Variants in GON4L observed in about 807,000 individuals in gnomAD.
The protein encoded by GON4L is GON-4-like protein.
Under a neutral mutation model 211.8 loss-of-function variants are expected in GON4L, and 87 were observed. That is an observed-to-expected ratio of 0.41 (90% CI 0.35 to 0.49). The LOEUF (loss-of-function observed/expected upper bound fraction) is 0.49, where lower values mean the gene tolerates loss of function less well. GON4L is among the 20% of genes least tolerant of loss of function. The pLI, the probability that GON4L is intolerant of heterozygous loss-of-function variation, is 0.15. For synonymous variants in GON4L, 875 were observed against 962.6 expected, an observed-to-expected ratio of 0.91 and a Z score of 1.68; for missense variants, 2,155 against 2,659.5, an observed-to-expected ratio of 0.81 and a Z score of 4.17.
In GON4L at chr1:155,813,760, C is replaced by T. The variant is rs1667992670; in HGVS notation, c.1326G>A (p.Glu442=). 1 of 1,613,922 alleles carries T rather than the reference C, an allele frequency of 6.2e-7. No homozygotes were observed. The highest frequency in any genetic ancestry group is 8.5e-7 in the Non-Finnish European group (1 of 1,179,808). The change falls in exon 10 of 32, where the codon GAG becomes GAA. Residue 442 remains glutamate, a synonymous_variant. Coordinates refer to ENST00000368331, the MANE Select transcript of GON4L (RefSeq NM_001282860.2). ...GGGGCGGGGGCCCCATGGGCACTAC[C>T]TCAGCACTGATGTGCCTGATGGCTG... ...TTPAIRHISA[E]VVPMGPPPPP...
chr1:155,799,233 A>T lies in GON4L; in HGVS notation c.1646-4082T>A, dbSNP rs191456518. 2.9e-3 allele frequency among the ~76,000 whole-genome samples: 438 copies of T among 152,176 alleles called. 5 individuals carry two copies. In the Middle Eastern group the frequency reaches 0.044, roughly 15 times the overall value. On this transcript the variant is annotated intron_variant, in intron 11 of 31. Coordinates refer to ENST00000368331, the MANE Select transcript of GON4L (RefSeq NM_001282860.2). ...GCGGATCACCTGAGGTTAGGAGTTCAAGACCAGCCTGACCAATATGGTGAA... is the reference window on the plus strand; with the variant it reads ...GCGGATCACCTGAGGTTAGGAGTTCTAGACCAGCCTGACCAATATGGTGAA...
intron 18 of GON4L, among the ~76,000 whole-genome samples, chr1:155,771,915 G>A (rs1164174487): frequency 6.6e-6 from 1 of 152,178 alleles, no homozygotes. Flanking sequence ...TGTAATCCCA[G>A]CATTTTGGGA....
chr1:155,763,597 C>A, intron 21 of GON4L, 33 bp from the exon 22 acceptor site: 1 of 1,495,204 alleles, frequency 6.7e-7, no homozygotes, highest in Non-Finnish European at 8.9e-7. Flanking sequence ...CTTATAATGG[C>A]TCTTAGTGGC....
intron 2 of GON4L, among the ~76,000 whole-genome samples, chr1:155,847,143 G>GT (rs770177908): frequency 1.3e-5 from 2 of 152,300 alleles, no homozygotes; most frequent in African/African-American, 2.4e-5. Flanking sequence ...GTTGAACACC[G>GT]TGAGTTCGAA....
chr1:155,778,339 C>T (rs111767110), intron 14 of GON4L, among the ~76,000 whole-genome samples: 2 of 152,158 alleles, frequency 1.3e-5, no homozygotes, highest in Admixed American at 1.3e-4. Flanking sequence ...GCAACCTCCG[C>T]CTCCAGGGTT....
intron 2 of GON4L, among the ~76,000 whole-genome samples, chr1:155,852,543 C>T (rs964845952): frequency 1.3e-5 from 2 of 150,594 alleles, no homozygotes; most frequent in African/African-American, 4.9e-5. Flanking sequence ...AGACTGAGAC[C>T]ATCCTGGCTA....
upstream of GON4L, among the ~76,000 whole-genome samples, chr1:155,857,901 T>C (rs972176943): frequency 6.6e-6 from 1 of 152,232 alleles, no homozygotes; most frequent in Non-Finnish European, 1.5e-5. Context: ...TAATTATTCA[T>C]ATATGTACAA....
intron 19 of GON4L, among the ~76,000 whole-genome samples, chr1:155,769,769 G>A (rs986488414): frequency 6.6e-6 from 1 of 152,008 alleles, no homozygotes; most frequent in African/African-American, 2.4e-5. Flanking sequence ...TGTAAACCCT[G>A]AATACAACCT....
intron 2 of GON4L, among the ~76,000 whole-genome samples, chr1:155,843,243 A>C (rs990070901): frequency 6.6e-6 from 1 of 152,030 alleles, no homozygotes; most frequent in Non-Finnish European, 1.5e-5. Context: ...TGGGAACAAA[A>C]CTCCATAGTA....
intron 24 of GON4L, among the ~76,000 whole-genome samples, chr1:155,759,574 CAA>C (rs879451384): frequency 7.1e-6 from 1 of 140,678 alleles, no homozygotes; most frequent in Non-Finnish European, 1.6e-5. Context: ...AACTCCATCT[CAA>C]AAAAAAAAAA....
chr1:155,757,250 T>C lies in GON4L; in HGVS notation c.5327A>G (p.His1776Arg). Residue 1776 changes from histidine to arginine, a missense_variant, in exon 26 of 32, where the codon CAC (histidine) becomes CGC (arginine). This residue lies in a region of GON4L where 455 missense variants were observed against 504.6 expected (regional missense o/e 0.90). Transcript: ENST00000368331. ...LQDEFSIFFDHLRPAASRMGD... is the reference protein window; with the variant it reads ...LQDEFSIFFDRLRPAASRMGD... ...CATCCGGCTAGCTGCTGGGCGCAAG[T>C]GGTCAAAGAAGATAGAAAACTCATC... The C allele has an allele frequency of 6.2e-7, 1 of 1,613,908 alleles. No homozygotes were observed. Among genetic ancestry groups the C allele is most frequent in the South Asian group, 1.1e-5 (1 of 91,080 alleles).
Position 155,795,128 on chromosome 1 carries a change from G to GATC in GON4L, c.1666_1668dup (p.Asp556dup), listed in dbSNP as rs750121410. ...AGGTCTTCCAGGAAATTATATTCTG[G>GATC]ATCATCATCATCATCTGCTTCATCT... On this transcript the variant is annotated inframe_insertion, in exon 12 of 32. Coordinates refer to ENST00000368331, the MANE Select transcript of GON4L (RefSeq NM_001282860.2). The GATC allele has an allele frequency of 2.6e-5, 41 of 1,602,344 alleles. No individual in the cohort carries two copies. The East Asian group carries it at 5.4e-4, about 21-fold the overall frequency.
chr1:155,822,199 C>G (rs1320880307), intron 4 of GON4L, 87 bp downstream of exon 4: 1 of 1,087,400 alleles, frequency 9.2e-7, no homozygotes, highest in Non-Finnish European at 1.4e-6. Flanking sequence ...ATTCACGTAT[C>G]AAGAGTCAAG....
rs777226025 is a variant in GON4L at position 155,775,164 on chromosome 1, C to T, written c.2188G>A (p.Gly730Arg). ...TTTRIFLKEL[G>R]TFAQSSIALH... ...GCGATGGAGCTTTGAGCAAAGGTTCCCAGCTCTTTCTGGGAAAACAGGACA... is the reference window on the plus strand; with the variant it reads ...GCGATGGAGCTTTGAGCAAAGGTTCTCAGCTCTTTCTGGGAAAACAGGACA... Residue 730 changes from glycine to arginine, a missense_variant, in exon 17 of 32, where the codon GGA becomes AGA. Transcript: ENST00000368331. The T allele has an allele frequency of 3.7e-6, 6 of 1,614,104 alleles. No homozygotes were observed. Among genetic ancestry groups the T allele is most frequent in the Admixed American group, 1.7e-5 (1 of 59,988 alleles).
At chr1:155,851,479 G>A (rs915540823) in intron 2 of GON4L, among the ~76,000 whole-genome samples, 1 of 152,018 alleles carries the variant, frequency 6.6e-6, no homozygotes, top group African/African-American at 2.4e-5. Context: ...ACTTTGGGAG[G>A]CTGAGGCAGG....
chr1:155,822,548 A>G, intron 3 of GON4L, 72 bp from the exon 4 acceptor site: 2 of 1,071,246 alleles, frequency 1.9e-6, no homozygotes, highest in South Asian at 2.5e-5. Flanking sequence ...GAAAGCCAAC[A>G]GTAAAGTGGA....
In GON4L at chr1:155,853,824, T is replaced by C; in HGVS notation, c.-26-18A>G. 6.9e-7 allele frequency: 1 copy of C among 1,458,232 alleles called. No individual in the cohort carries two copies. The highest frequency in any genetic ancestry group is 9.6e-7 in the Non-Finnish European group (1 of 1,040,974). The allele number at this position is 1,458,232 out of a possible 1,614,324, so 90.3% of individuals were successfully genotyped here. A position where few individuals can be genotyped will look rare whatever the true frequency, so the allele number is the denominator to read the frequency against. The stretch of plus-strand genomic sequence containing the variant: ...GTTCCATTCTGAAAGAATAAAAAGT[T>C]CTTACTGCCTTCATATTAATTAAAA... On this transcript the variant is annotated intron_variant, in intron 1 of 31. Transcript: ENST00000368331.
chr1:155,773,229 C>T lies in GON4L; in HGVS notation c.2351-19G>A, dbSNP rs772794003. 13 of 1,613,770 alleles carry T rather than the reference C, an allele frequency of 8.1e-6. No individual in the cohort carries two copies. Among genetic ancestry groups the T allele is most frequent in the South Asian group, 1.1e-5 (1 of 91,068 alleles). On this transcript the variant is annotated intron_variant, in intron 17 of 31. Transcript: ENST00000368331. ...TCATTCGCTATAAGAAAATAAATCTCGGATAAATCAACTTCTAGGACAAAA... is the reference window on the plus strand; with the variant it reads ...TCATTCGCTATAAGAAAATAAATCTTGGATAAATCAACTTCTAGGACAAAA...
downstream of GON4L, chr1:155,749,321 T>C: frequency 2.5e-6 from 4 of 1,612,108 alleles, no homozygotes; most frequent in South Asian, 4.4e-5. Context: ...GGCTTTGTTA[T>C]GGCAGCCAGC....
Sources: gnomAD v4.1 joint callset for allele counts (sites outside exome capture counted in the v4.1 genomes callset) on GRCh38, gnomAD v4.1.1 for gene constraint, gnomAD v4.1.1 regional missense constraint, MANE v1.5 for transcripts, NCBI Gene and HGNC (gene_info 2026-07-23, HGNC 2026-07-21) for gene names.